Variants in GPR158 observed in about 807,000 individuals in gnomAD.
GPR158 encodes the protein G protein-coupled receptor 158.
GPR158 carries 30 observed loss-of-function variants against 78.2 expected under a neutral mutation model. The observed-to-expected ratio is 0.38, with a 90% CI of 0.29 to 0.52. GPR158 has a LOEUF of 0.52. Among genes scored for constraint, GPR158 ranks in the 20% least tolerant of loss-of-function variants. The probability of loss-of-function intolerance (pLI) is 0.83; values close to 1 mark genes in which losing one functional copy is unlikely to be tolerated. For missense variants in GPR158, 1,463 were observed against 1,523.5 expected (o/e 0.96, Z 0.66); for synonymous variants, 581 against 591.1 (o/e 0.98, Z 0.25).
intron 2 of GPR158, among the ~76,000 whole-genome samples, chr10:25,293,218 A>G (rs1253237581): frequency 1.3e-5 from 2 of 152,178 alleles, no homozygotes; most frequent in African/African-American, 2.4e-5. Flanking sequence ...AGGAATTTGC[A>G]TTGTTACTTA....
intron 2 of GPR158, among the ~76,000 whole-genome samples, chr10:25,299,269 C>T (rs114336250): frequency 0.017 from 2,630 of 152,170 alleles, 58 homozygotes; most frequent in African/African-American, 0.05. Context: ...AATGTACTCA[C>T]TTAGCAAATT....
intron 2 of GPR158, among the ~76,000 whole-genome samples, chr10:25,387,727 G>C (rs891998047): frequency 3.9e-5 from 6 of 152,064 alleles, no homozygotes; most frequent in African/African-American, 1.4e-4. Flanking sequence ...TGTTGGCTAG[G>C]ATGGTCTCGA....
intron 2 of GPR158, among the ~76,000 whole-genome samples, chr10:25,372,596 A>C (rs1834013386): frequency 2.0e-5 from 3 of 147,018 alleles, no homozygotes; most frequent in African/African-American, 7.5e-5. Flanking sequence ...TTCTCAGTAA[A>C]CTATCGCAAG....
At chr10:25,363,323 AATG>A (rs1355815998) in intron 2 of GPR158, among the ~76,000 whole-genome samples, 1 of 151,854 alleles carries the variant, frequency 6.6e-6, no homozygotes, top group East Asian at 1.9e-4. Context: ...TTATCATTCC[AATG>A]ATGATGATAA....
chr10:25,273,669 TG>T (rs953300477), intron 2 of GPR158, among the ~76,000 whole-genome samples: 7 of 151,740 alleles, frequency 4.6e-5, no homozygotes, highest in African/African-American at 1.7e-4. Flanking sequence ...TTGAAGAAAA[TG>T]GGTTTTTTTT....
At chr10:25,404,910 C>A (rs1834491508) in intron 3 of GPR158, among the ~76,000 whole-genome samples, 1 of 151,944 alleles carries the variant, frequency 6.6e-6, no homozygotes, top group Non-Finnish European at 1.5e-5. Context: ...CATGATGGCA[C>A]AAAGGAAGTA....
chr10:25,354,408 GA>G (rs1401353328), intron 2 of GPR158, among the ~76,000 whole-genome samples: 1 of 149,468 alleles, frequency 6.7e-6, no homozygotes, highest in Non-Finnish European at 1.5e-5. Context: ...AGACCACAAA[GA>G]AAAGAAGCAA....
At chr10:25,450,883 A>T (rs982332744) in intron 4 of GPR158, among the ~76,000 whole-genome samples, 38 of 152,280 alleles carry the variant, frequency 2.5e-4, no homozygotes, top group African/African-American at 9.1e-4. Context: ...AGTTAGATAC[A>T]TGCATGCATA....
At chr10:25,272,897 G>T (rs959793992) in intron 2 of GPR158, among the ~76,000 whole-genome samples, 3 of 152,128 alleles carry the variant, frequency 2.0e-5, no homozygotes, top group Non-Finnish European at 4.4e-5. Flanking sequence ...TTGAACCAAG[G>T]CTGAGCTCCT....
chr10:25,276,127 G>T (rs1184506623), intron 2 of GPR158, among the ~76,000 whole-genome samples: 4 of 152,168 alleles, frequency 2.6e-5, no homozygotes, highest in Non-Finnish European at 5.9e-5. Context: ...TTTGATCCCT[G>T]CGGCTTGAGG....
chr10:25,252,227 CAA>C (rs1320467677), intron 2 of GPR158, among the ~76,000 whole-genome samples: 1 of 150,478 alleles, frequency 6.6e-6, no homozygotes, highest in African/African-American at 2.4e-5. Flanking sequence ...AAATTTTTTT[CAA>C]AGTTTTCAAC....
At chr10:25,411,875 A>C (rs1834590133) in intron 3 of GPR158, among the ~76,000 whole-genome samples, 1 of 132,964 alleles carries the variant, frequency 7.5e-6, no homozygotes, top group Non-Finnish European at 1.6e-5. Context: ...CGGAGCTTGC[A>C]GTGAGCAGAG....
intron 2 of GPR158, among the ~76,000 whole-genome samples, chr10:25,327,399 C>A (rs1279822002): frequency 6.6e-6 from 1 of 152,150 alleles, no homozygotes; most frequent in African/African-American, 2.4e-5. Flanking sequence ...TCACAAATGG[C>A]AAATTTATTG....
chr10:25,496,358 T>C (rs978760834), intron 5 of GPR158, among the ~76,000 whole-genome samples: 1 of 152,214 alleles, frequency 6.6e-6, no homozygotes, highest in Non-Finnish European at 1.5e-5. Context: ...GGAGAGACAC[T>C]GTGCAGATAT....
intron 2 of GPR158, among the ~76,000 whole-genome samples, chr10:25,247,305 CTTTT>C (rs200789915): frequency 2.1e-5 from 3 of 142,654 alleles, no homozygotes; most frequent in Non-Finnish European, 4.6e-5. Flanking sequence ...TCAATTTATT[CTTTT>C]TTTTTTTCTT....
At chr10:25,484,165 A>G (rs1360123) in intron 5 of GPR158, among the ~76,000 whole-genome samples, 68,194 of 152,008 alleles carry the variant, frequency 0.45, 16,335 homozygotes, top group East Asian at 0.8. Context: ...TGCCACGGCA[A>G]TTCTGTTCTG....
chr10:25,334,149 T>A (rs1855165287), intron 2 of GPR158, among the ~76,000 whole-genome samples: 1 of 152,098 alleles, frequency 6.6e-6, no homozygotes. Context: ...ATGGAATTTT[T>A]AAAAAGACAA....
intron 2 of GPR158, among the ~76,000 whole-genome samples, chr10:25,292,820 T>C (rs1854459440): frequency 1.3e-5 from 2 of 152,162 alleles, no homozygotes; most frequent in Admixed American, 6.5e-5. Flanking sequence ...GACATGTATT[T>C]TCTACAAGAA....
chr10:25,532,765 A>T (rs1836443559), intron 5 of GPR158, among the ~76,000 whole-genome samples: 1 of 151,968 alleles, frequency 6.6e-6, no homozygotes, highest in African/African-American at 2.4e-5. Flanking sequence ...ACCAAAGCAT[A>T]TAACTTAAAG....
Sources: gnomAD v4.1 joint callset for allele counts (sites outside exome capture counted in the v4.1 genomes callset) on GRCh38, gnomAD v4.1.1 for gene constraint, MANE v1.5 for transcripts, NCBI Gene and HGNC (gene_info 2026-07-23, HGNC 2026-07-21) for gene names.